Variants in PTPRD observed in about 807,000 individuals in gnomAD.
PTPRD encodes the protein protein tyrosine phosphatase receptor type D.
Under a neutral mutation model 214.5 loss-of-function variants are expected in PTPRD, and 34 were observed. That is an observed-to-expected ratio of 0.16 (90% confidence interval 0.12 to 0.21). The LOEUF is 0.21. Among genes scored for constraint, PTPRD ranks in the 10% least tolerant of loss-of-function variants. The pLI is 1.00. For synonymous variants in PTPRD, 1,128 were observed against 845.7 expected (o/e 1.33, Z -5.79); for missense variants, 2,545 against 2,398.7 (o/e 1.06, Z -1.27).
chr9:10,313,780 A>G (rs1022255780), intron 3 of PTPRD, among the ~76,000 whole-genome samples: 2 of 151,958 alleles, frequency 1.3e-5, no homozygotes, highest in African/African-American at 4.8e-5. Context: ...AAATTTAGCT[A>G]AACTAACACC....
intron 8 of PTPRD, among the ~76,000 whole-genome samples, chr9:9,434,174 A>C (rs1239171393): frequency 6.6e-6 from 1 of 152,194 alleles, no homozygotes; most frequent in East Asian, 1.9e-4. Context: ...ATGAAAACTA[A>C]GATTAAGTAT....
chr9:10,447,694 A>C (rs75198335), intron 2 of PTPRD, among the ~76,000 whole-genome samples: 3,717 of 152,142 alleles, frequency 0.024, 171 homozygotes, highest in African/African-American at 0.076. Flanking sequence ...GAGGTCCATC[A>C]CAGTGAAGTA....
chr9:9,202,771 T>A (rs962440596), intron 9 of PTPRD, among the ~76,000 whole-genome samples: 14 of 152,214 alleles, frequency 9.2e-5, no homozygotes, highest in African/African-American at 3.4e-4. Context: ...ACACAACTGT[T>A]CAGTTATGGG....
intron 3 of PTPRD, among the ~76,000 whole-genome samples, chr9:10,109,271 A>G (rs1363780231): frequency 6.6e-6 from 1 of 152,182 alleles, no homozygotes; most frequent in Non-Finnish European, 1.5e-5. Context: ...GATGCAGAGA[A>G]GAGGACTGGT....
intron 14 of PTPRD, among the ~76,000 whole-genome samples, chr9:8,533,479 G>A (rs1374508233): frequency 6.6e-6 from 1 of 151,930 alleles, no homozygotes; most frequent in African/African-American, 2.4e-5. Flanking sequence ...TAAAAATTTG[G>A]CAAGTATACC....
rs557938266 is a variant in PTPRD, at chr9:8,451,092, T to A, written c.3876-1255A>T. Among the ~76,000 whole-genome samples the A allele has an allele frequency of 2.0e-5, 3 of 152,290 alleles. No homozygotes were observed. The South Asian group carries it at 6.2e-4, about 32-fold the overall frequency. ...GCCAGAGGGCTCCTGTTAAATAGCCTTTCTTCCCATTTCTGCTCATCTGTA... is the reference window on the plus strand; with the variant it reads ...GCCAGAGGGCTCCTGTTAAATAGCCATTCTTCCCATTTCTGCTCATCTGTA... On this transcript the variant is annotated intron_variant, in intron 33 of 45. Transcript: ENST00000381196.
At chr9:10,501,578 A>G (rs1466122851) in intron 2 of PTPRD, among the ~76,000 whole-genome samples, 2 of 152,028 alleles carry the variant, frequency 1.3e-5, no homozygotes, top group Non-Finnish European at 2.9e-5. Context: ...TAAAGTTCAT[A>G]TCATTAATTA....
intron 5 of PTPRD, chr9:9,803,883 T>C (rs748327966): frequency 6.6e-6 from 1 of 152,044 alleles, no homozygotes; most frequent in Non-Finnish European, 1.5e-5. Context: ...AGTTTTACAA[T>C]ACACAAGAGC....
intron 2 of PTPRD, among the ~76,000 whole-genome samples, chr9:10,482,059 T>G (rs1041384391): frequency 3.3e-5 from 5 of 151,702 alleles, no homozygotes; most frequent in Non-Finnish European, 5.9e-5. Flanking sequence ...AAAAATAAAA[T>G]GAAGAAAATA....
intron 2 of PTPRD, among the ~76,000 whole-genome samples, chr9:10,390,793 CAT>C (rs1429443036): frequency 2.0e-5 from 3 of 151,888 alleles, no homozygotes; most frequent in South Asian, 4.1e-4. Flanking sequence ...TCATATGACA[CAT>C]GTCTGCAGGT....
At chr9:9,659,230 T>TA (rs966508645) in intron 7 of PTPRD, among the ~76,000 whole-genome samples, 1 of 152,230 alleles carries the variant, frequency 6.6e-6, no homozygotes, top group East Asian at 1.9e-4. Context: ...AAATTTTCCC[T>TA]AAAAATTTTA....
intron 7 of PTPRD, among the ~76,000 whole-genome samples, chr9:9,656,240 TACCATACGTTC>T (rs757477640): frequency 4.7e-4 from 72 of 152,184 alleles, no homozygotes; most frequent in Non-Finnish European, 9.1e-4. Context: ...AACATACACC[TACCATACGTTC>T]ACATTCTTTA....
intron 39 of PTPRD, among the ~76,000 whole-genome samples, chr9:8,373,874 C>G (rs1317858700): frequency 0.028 from 626 of 22,264 alleles, 7 homozygotes; most frequent in African/African-American, 0.099. Context: ...GTCTATCTAT[C>G]TATCTATCTA....
intron 5 of PTPRD, among the ~76,000 whole-genome samples, chr9:9,817,700 C>G (rs980230070): frequency 6.6e-6 from 1 of 152,178 alleles, no homozygotes; most frequent in African/African-American, 2.4e-5. Flanking sequence ...GGTTAGGGGT[C>G]TTCTGTGATG....
At chr9:9,141,718 A>G (rs1321866551) in intron 10 of PTPRD, among the ~76,000 whole-genome samples, 3 of 150,468 alleles carry the variant, frequency 2.0e-5, no homozygotes, top group Non-Finnish European at 4.4e-5. Flanking sequence ...ATTATCTGGT[A>G]TATACCTAAT....
chr9:10,272,800 T>C (rs187712268), intron 3 of PTPRD, among the ~76,000 whole-genome samples: 164 of 152,334 alleles, frequency 1.1e-3, no homozygotes, highest in African/African-American at 3.8e-3. Context: ...AATGTTTGCC[T>C]TTTTAAAATT....
chr9:10,428,205 G>A (rs917783890), intron 2 of PTPRD, among the ~76,000 whole-genome samples: 4 of 151,954 alleles, frequency 2.6e-5, no homozygotes, highest in Admixed American at 6.6e-5. Context: ...TGTAATCCCA[G>A]CTACTTGGGA....
At chr9:10,062,942 G>A (rs925640098) in intron 3 of PTPRD, among the ~76,000 whole-genome samples, 3 of 152,002 alleles carry the variant, frequency 2.0e-5, no homozygotes, top group Non-Finnish European at 4.4e-5. Context: ...GAAATAGTTT[G>A]TCTTATTTTG....
At chr9:9,238,164 T>C (rs1045531429) in intron 9 of PTPRD, among the ~76,000 whole-genome samples, 1 of 151,980 alleles carries the variant, frequency 6.6e-6, no homozygotes, top group Non-Finnish European at 1.5e-5. Flanking sequence ...TGACCCCCTT[T>C]GGGAGGCCTC....
Sources: gnomAD v4.1 joint callset for allele counts (sites outside exome capture counted in the v4.1 genomes callset) on GRCh38, gnomAD v4.1.1 for gene constraint, MANE v1.5 for transcripts, NCBI Gene and HGNC (gene_info 2026-07-23, HGNC 2026-07-21) for gene names.